Variants in MB21D2 observed in about 807,000 individuals in gnomAD.
MB21D2 encodes Mab-21 domain containing 2.
Under a neutral mutation model 33.3 loss-of-function variants are expected in MB21D2, and 9 were observed. The ratio of observed to expected loss-of-function variants is 0.27; its 90% CI spans 0.16 to 0.47. MB21D2 has a LOEUF of 0.47. Among genes scored for constraint, MB21D2 ranks in the 20% least tolerant of loss-of-function variants. The pLI, the probability that MB21D2 is intolerant of heterozygous loss-of-function variation, is 0.99. For missense variants in MB21D2, 540 were observed against 624.6 expected (o/e 0.86, Z 1.44); for synonymous variants, 241 against 236.3 (o/e 1.02, Z -0.18).
intron 1 of MB21D2, among the ~76,000 whole-genome samples, chr3:192,898,085 T>A (rs1329545452): frequency 6.6e-6 from 1 of 152,166 alleles, no homozygotes; most frequent in African/African-American, 2.4e-5. Flanking sequence ...TACTACTTTT[T>A]AAGTATATGT....
At chr3:192,908,902 A>T (rs79654963) in intron 1 of MB21D2, among the ~76,000 whole-genome samples, 8,942 of 152,232 alleles carry the variant, frequency 0.059, 283 homozygotes, top group Middle Eastern at 0.065. Context: ...CCTGCAGAGA[A>T]TAGCATATTT....
chr3:192,838,498 G>A (rs999819818), intron 1 of MB21D2, among the ~76,000 whole-genome samples: 3 of 149,776 alleles, frequency 2.0e-5, no homozygotes, highest in South Asian at 2.1e-4. Context: ...GCGCGATCTC[G>A]GCTCACTGCA....
intron 1 of MB21D2, among the ~76,000 whole-genome samples, chr3:192,884,525 C>T (rs986501149): frequency 1.7e-5 from 2 of 116,460 alleles, no homozygotes; most frequent in African/African-American, 6.3e-5. Context: ...CGCCACCACG[C>T]CCGGCTAATT....
chr3:192,804,432 C>T (rs1350501134), intron 1 of MB21D2, among the ~76,000 whole-genome samples: 4 of 116,514 alleles, frequency 3.4e-5, no homozygotes, highest in African/African-American at 1.7e-4. Context: ...CAGATACACA[C>T]ACACACACAC....
intron 1 of MB21D2, among the ~76,000 whole-genome samples, chr3:192,888,039 A>G (rs75412913): frequency 0.073 from 11,085 of 152,124 alleles, 575 homozygotes; most frequent in Non-Finnish European, 0.11. Flanking sequence ...TTTAAATTGC[A>G]TATCTGGGGA....
intron 1 of MB21D2, among the ~76,000 whole-genome samples, chr3:192,854,160 C>G: frequency 6.6e-6 from 1 of 152,202 alleles, no homozygotes; most frequent in East Asian, 1.9e-4. Context: ...ATGTCAAAAG[C>G]TGAGATGGGC....
chr3:192,883,990 T>C (rs1713665686), intron 1 of MB21D2, among the ~76,000 whole-genome samples: 1 of 152,150 alleles, frequency 6.6e-6, no homozygotes. Flanking sequence ...GATCTGTTTC[T>C]ATGGTTGACT....
chr3:192,875,007 G>A (rs767601812), intron 1 of MB21D2, among the ~76,000 whole-genome samples: 11 of 112,856 alleles, frequency 9.7e-5, no homozygotes, highest in African/African-American at 5.1e-4. Flanking sequence ...TTTGTAAACT[G>A]TCCCTATTAA....
chr3:192,851,492 T>TG (rs1712804479), intron 1 of MB21D2, among the ~76,000 whole-genome samples: 1 of 35,146 alleles, frequency 2.8e-5, no homozygotes, highest in South Asian at 1.4e-3. Context: ...TTTTTGTCTG[T>TG]TTTTTTTTTT....
intron 1 of MB21D2, among the ~76,000 whole-genome samples, chr3:192,895,456 A>T (rs1713946299): frequency 6.6e-6 from 1 of 152,196 alleles, no homozygotes; most frequent in East Asian, 1.9e-4. Context: ...CCAGCCAGGC[A>T]AGAGGTCCTC....
At chr3:192,827,692 G>A (rs1320389949) in intron 1 of MB21D2, among the ~76,000 whole-genome samples, 1 of 146,528 alleles carries the variant, frequency 6.8e-6, no homozygotes, top group Non-Finnish European at 1.5e-5. Flanking sequence ...AGATGTTGGT[G>A]TTTATCTCTA....
Position 192,917,807 on chromosome 3 carries a change from C to A in MB21D2, c.34G>T (p.Ala12Ser), listed in dbSNP as rs571876150. ...GGCTTGTTGTTACAGCCCAGGGAGGCTGCCTTGTTGGCGGTGGGAGCCGCC... is the reference window on the plus strand; with the variant it reads ...GGCTTGTTGTTACAGCCCAGGGAGGATGCCTTGTTGGCGGTGGGAGCCGCC... The part of the protein sequence containing the change: ...KMAAPTANKA[A>S]SLGCNNKPAF... Residue 12 changes from alanine (A) to serine (S), a missense_variant, in exon 1 of 2, where the codon GCC becomes TCC. By Grantham distance (99) the Ala-to-Ser change is moderately conservative (BLOSUM62 1). Coordinates refer to ENST00000392452, the MANE Select transcript of MB21D2 (RefSeq NM_178496.4). The A allele has an allele frequency of 1.8e-5, 29 of 1,612,032 alleles. No individual in the cohort carries two copies. The East Asian group carries it at 4.2e-4, about 24-fold the overall frequency.
intron 1 of MB21D2, among the ~76,000 whole-genome samples, chr3:192,812,908 T>C (rs930803877): frequency 6.6e-6 from 1 of 152,184 alleles, no homozygotes; most frequent in Non-Finnish European, 1.5e-5. Flanking sequence ...ATGGATTCCT[T>C]ACTAAGCCAT....
In MB21D2 at chr3:192,798,660, G is replaced by C. The variant is rs1483038680; in HGVS notation, c.1202C>G (p.Ser401Cys). The C allele has an allele frequency of 1.2e-6, 2 of 1,613,436 alleles. No homozygotes were observed. Among genetic ancestry groups the C allele is most frequent in the Admixed American group, 3.3e-5 (2 of 60,006 alleles). The change falls in exon 2 of 2, where the codon TCC becomes TGC. Residue 401 changes from serine to cysteine, a missense_variant. Physicochemically the swap from Ser to Cys is moderately radical, Grantham distance 112 (BLOSUM62 -1). Transcript: ENST00000392452. This position sits in a 1 kb window ranked among gnomAD's most constrained non-coding sequence, Gnocchi z 4.8. ...ETVMLHARKL[S>C]SVRSDPAEHL... ...CTCTGCCGGGTCTGAGCGCACAGAGGACAGCTTCCGGGCGTGAAGCATGAC... is the reference window on the plus strand; with the variant it reads ...CTCTGCCGGGTCTGAGCGCACAGAGCACAGCTTCCGGGCGTGAAGCATGAC...
chr3:192,884,574 A>T (rs188778688), intron 1 of MB21D2, among the ~76,000 whole-genome samples: 15 of 151,972 alleles, frequency 9.9e-5, no homozygotes, highest in Admixed American at 7.2e-4. Flanking sequence ...TCACCGTGTT[A>T]GCCAGGATGG....
intron 1 of MB21D2, among the ~76,000 whole-genome samples, chr3:192,846,410 T>C (rs1712681098): frequency 6.6e-6 from 1 of 152,184 alleles, no homozygotes; most frequent in Non-Finnish European, 1.5e-5. Context: ...GGTATTTTGT[T>C]TTATTTTGTT....
chr3:192,873,177 G>A (rs1440789584), intron 1 of MB21D2, among the ~76,000 whole-genome samples: 2 of 152,062 alleles, frequency 1.3e-5, no homozygotes, highest in Non-Finnish European at 2.9e-5. Context: ...AATTTGACAA[G>A]GGCTACAATA....
At chr3:192,913,389 C>A (rs564585775) in intron 1 of MB21D2, among the ~76,000 whole-genome samples, 3 of 152,090 alleles carry the variant, frequency 2.0e-5, no homozygotes, top group African/African-American at 7.2e-5. Context: ...CAGAGCGAGA[C>A]CCTGTCTCAA....
At chr3:192,801,882 G>T (rs1439765842) in intron 1 of MB21D2, among the ~76,000 whole-genome samples, 2 of 152,116 alleles carry the variant, frequency 1.3e-5, no homozygotes, top group African/African-American at 2.4e-5. Flanking sequence ...CCATGAAAAA[G>T]TCTTTTATTT....
Sources: gnomAD v4.1 joint callset for allele counts (sites outside exome capture counted in the v4.1 genomes callset) on GRCh38, gnomAD v4.1.1 for gene constraint, Gnocchi (gnomAD v3.1) non-coding constraint, MANE v1.5 for transcripts, NCBI Gene and HGNC (gene_info 2026-07-23, HGNC 2026-07-21) for gene names.